Variants in CMSS1 observed in about 807,000 individuals in gnomAD.
CMSS1 encodes protein CMSS1.
A neutral mutation model predicts 43.5 loss-of-function variants in CMSS1; 33 were observed. That is an observed-to-expected ratio of 0.76 (90% CI 0.57 to 1.01). The LOEUF is 1.01. CMSS1 is among the 50% of genes least tolerant of loss of function. The pLI, the probability that CMSS1 is intolerant of heterozygous loss-of-function variation, is 0.00. For synonymous variants in CMSS1, 115 were observed against 117.2 expected, an observed-to-expected ratio of 0.98 and a Z score of 0.12; for missense variants, 313 against 326.4, an observed-to-expected ratio of 0.96 and a Z score of 0.32.
At chr3:100,037,383 A>G (rs1427756624) in intron 1 of CMSS1, among the ~76,000 whole-genome samples, 1 of 152,202 alleles carries the variant, frequency 6.6e-6, no homozygotes, top group Non-Finnish European at 1.5e-5. Flanking sequence ...GATTTTTTGT[A>G]GTATTCTTGC....
chr3:100,081,553 T>A (rs947060343), intron 1 of CMSS1, among the ~76,000 whole-genome samples: 2 of 152,196 alleles, frequency 1.3e-5, no homozygotes, highest in East Asian at 3.8e-4. Context: ...TGAAGATTCT[T>A]TGGTTGGGAA....
At chr3:99,904,162 T>G (rs1041271662) in intron 1 of CMSS1, among the ~76,000 whole-genome samples, 1 of 152,244 alleles carries the variant, frequency 6.6e-6, no homozygotes, top group Non-Finnish European at 1.5e-5. Flanking sequence ...GTTTTTGTTA[T>G]TATTGCTCTT....
At chr3:99,923,025 C>G (rs558268399) in intron 1 of CMSS1, among the ~76,000 whole-genome samples, 3 of 152,086 alleles carry the variant, frequency 2.0e-5, no homozygotes, top group Non-Finnish European at 4.4e-5. Flanking sequence ...TGTTCACTCT[C>G]TTTTTAAAGT....
chr3:99,984,690 G>C (rs79757922), intron 1 of CMSS1, among the ~76,000 whole-genome samples: 2,752 of 152,254 alleles, frequency 0.018, 33 homozygotes, highest in Non-Finnish European at 0.029. Context: ...TGGCTACTGT[G>C]GGGGAGGGAA....
intron 1 of CMSS1, among the ~76,000 whole-genome samples, chr3:100,014,895 C>CTTTTT (rs1233573719): frequency 2.3e-3 from 57 of 25,008 alleles, no homozygotes; most frequent in South Asian, 5.9e-3. Context: ...TTCTTTCTTT[C>CTTTTT]TTTTTTTTTT....
At chr3:99,948,681 G>A (rs373249737) in intron 1 of CMSS1, among the ~76,000 whole-genome samples, 1 of 148,698 alleles carries the variant, frequency 6.7e-6, no homozygotes, top group Non-Finnish European at 1.5e-5. Flanking sequence ...AGAGGAAGAA[G>A]AAGAGGAGAA....
At chr3:99,987,564 T>C (rs1709382085) in intron 1 of CMSS1, among the ~76,000 whole-genome samples, 1 of 151,024 alleles carries the variant, frequency 6.6e-6, no homozygotes, top group Non-Finnish European at 1.5e-5. Context: ...AGAAAAAATA[T>C]TTAAGTGCAA....
chr3:100,002,182 G>A (rs1198839272), intron 1 of CMSS1, among the ~76,000 whole-genome samples: 1 of 152,208 alleles, frequency 6.6e-6, no homozygotes, highest in African/African-American at 2.4e-5. Flanking sequence ...GGAGCTGATG[G>A]TGTTGTACTT....
At chr3:99,877,189 T>C (rs1212495653) in intron 1 of CMSS1, among the ~76,000 whole-genome samples, 2 of 152,246 alleles carry the variant, frequency 1.3e-5, no homozygotes, top group African/African-American at 4.8e-5. Context: ...GGCATTCTTA[T>C]TTGCAAGCTT....
chr3:100,025,367 T>A (rs2064899446), intron 1 of CMSS1: 2 of 152,188 alleles, frequency 1.3e-5, no homozygotes, highest in Non-Finnish European at 2.9e-5. Context: ...CTAACTTTCC[T>A]AATACCAACT....
At chr3:100,062,872 A>T (rs190916228) in intron 1 of CMSS1, among the ~76,000 whole-genome samples, 2 of 152,198 alleles carry the variant, frequency 1.3e-5, no homozygotes, top group Non-Finnish European at 1.5e-5. Flanking sequence ...TTACTTGTAC[A>T]AAGTGGACAT....
intron 1 of CMSS1, among the ~76,000 whole-genome samples, chr3:100,081,084 G>A (rs1411914555): frequency 6.6e-6 from 1 of 152,178 alleles, no homozygotes; most frequent in Admixed American, 6.5e-5. Context: ...ATATCCATTA[G>A]TCTTGCTGAT....
chr3:100,150,529 C>T (rs2066898183), intron 2 of CMSS1, among the ~76,000 whole-genome samples: 1 of 152,130 alleles, frequency 6.6e-6, no homozygotes, highest in African/African-American at 2.4e-5. Context: ...ATGATGTTCC[C>T]TCCTTTGCCA....
At chr3:100,095,359 T>A (rs144993036) in intron 1 of CMSS1, among the ~76,000 whole-genome samples, 1 of 152,318 alleles carries the variant, frequency 6.6e-6, no homozygotes, top group East Asian at 1.9e-4. Flanking sequence ...CAGTTGGCCC[T>A]TCATACCCTT....
chr3:99,825,125 T>C (rs1942513049), intron 1 of CMSS1, among the ~76,000 whole-genome samples: 2 of 152,226 alleles, frequency 1.3e-5, no homozygotes, highest in Admixed American at 1.3e-4. Flanking sequence ...GCATTGTCTC[T>C]ACATATAAAA....
chr3:100,099,554 A>G (rs187197496), intron 1 of CMSS1, among the ~76,000 whole-genome samples: 3 of 152,304 alleles, frequency 2.0e-5, no homozygotes, highest in Admixed American at 2.0e-4. Context: ...TAACTAAGTC[A>G]TTTAACTTTT....
intron 1 of CMSS1, among the ~76,000 whole-genome samples, chr3:99,975,469 G>GT (rs1708941592): frequency 6.6e-6 from 1 of 151,980 alleles, no homozygotes; most frequent in African/African-American, 2.4e-5. Flanking sequence ...GCGGGCGCCT[G>GT]TAATCCCAGC....
chr3:99,922,901 T>C (rs1016280949), intron 1 of CMSS1, among the ~76,000 whole-genome samples: 2 of 152,244 alleles, frequency 1.3e-5, no homozygotes, highest in African/African-American at 4.8e-5. Flanking sequence ...CATTGCAATT[T>C]GGCTTCTGCC....
intron 1 of CMSS1, among the ~76,000 whole-genome samples, chr3:100,139,573 ATATATG>A (rs1559769110): frequency 7.0e-6 from 1 of 143,396 alleles, no homozygotes; most frequent in Non-Finnish European, 1.5e-5. Context: ...GTGTATGTAT[ATATATG>A]TGTATATATA....
Sources: allele counts gnomAD v4.1 joint callset (sites outside exome capture counted in the v4.1 genomes callset), GRCh38; gene constraint gnomAD v4.1.1; transcripts MANE v1.5; gene names NCBI Gene and HGNC (gene_info 2026-07-23, HGNC 2026-07-21).